The following CCDC178 variants were observed in gnomAD, a reference collection of about 807,000 sequenced individuals.
The protein encoded by CCDC178 is coiled-coil domain containing 178.
CCDC178 carries 126 observed loss-of-function variants against 117.4 expected under a neutral mutation model. The ratio of observed to expected loss-of-function variants is 1.07; its 90% confidence interval spans 0.93 to 1.24. The LOEUF (loss-of-function observed/expected upper bound fraction) is 1.24, where lower values mean the gene tolerates loss of function less well. CCDC178 is among the 50% of genes most tolerant of loss of function. The pLI, the probability that CCDC178 is intolerant of heterozygous loss-of-function variation, is 0.00. For synonymous variants in CCDC178, 283 were observed against 313.4 expected (o/e 0.90, Z 1.02); for missense variants, 1,030 against 986.9 (o/e 1.04, Z -0.59).
chr18:33,064,305 A>T (rs999515959), intron 21 of CCDC178, among the ~76,000 whole-genome samples: 3 of 152,212 alleles, frequency 2.0e-5, no homozygotes, highest in African/African-American at 7.2e-5. Flanking sequence ...AATAAATGAG[A>T]CAAAAATTGT....
chr18:33,130,338 T>C (rs1047194634), intron 20 of CCDC178, among the ~76,000 whole-genome samples: 1 of 152,086 alleles, frequency 6.6e-6, no homozygotes, highest in South Asian at 2.1e-4. Context: ...ATTTTTCTTA[T>C]AAGCAAACAT....
chr18:33,208,927 A>G (rs1431564756), intron 20 of CCDC178, among the ~76,000 whole-genome samples: 3 of 152,034 alleles, frequency 2.0e-5, no homozygotes, highest in Non-Finnish European at 4.4e-5. Context: ...AGTGTAGTTC[A>G]TTGTATTTCT....
intron 21 of CCDC178, among the ~76,000 whole-genome samples, chr18:32,981,181 A>C (rs1449918773): frequency 6.6e-6 from 1 of 152,216 alleles, no homozygotes; most frequent in African/African-American, 2.4e-5. Context: ...CTGTCTCTAA[A>C]AAAATAAAAT....
chr18:33,048,199 C>T (rs896367293), intron 21 of CCDC178, among the ~76,000 whole-genome samples: 1 of 152,132 alleles, frequency 6.6e-6, no homozygotes, highest in African/African-American at 2.4e-5. Context: ...AGGGAGCATG[C>T]CCCCACTACA....
intron 21 of CCDC178, among the ~76,000 whole-genome samples, chr18:32,979,876 T>G (rs1437228363): frequency 6.6e-6 from 1 of 152,166 alleles, no homozygotes; most frequent in East Asian, 1.9e-4. Context: ...AAGAGAGCAT[T>G]TGATCAGCAA....
chr18:33,280,516 T>C (rs2060010171), intron 12 of CCDC178, among the ~76,000 whole-genome samples: 1 of 151,676 alleles, frequency 6.6e-6, no homozygotes, highest in Non-Finnish European at 1.5e-5. Context: ...GACTGTAAAC[T>C]AGTTCAACCA....
chr18:33,256,534 G>A (rs1007311145), intron 14 of CCDC178, among the ~76,000 whole-genome samples: 7 of 151,928 alleles, frequency 4.6e-5, no homozygotes, highest in African/African-American at 1.4e-4. Context: ...AGTAAACTAC[G>A]GTTTAAATAA....
At chr18:33,272,857 T>C (rs1369882353) in intron 12 of CCDC178, among the ~76,000 whole-genome samples, 1 of 151,332 alleles carries the variant, frequency 6.6e-6, no homozygotes, top group African/African-American at 2.4e-5. Flanking sequence ...CCTTTTGTAA[T>C]AAAAAATTCA....
intron 20 of CCDC178, among the ~76,000 whole-genome samples, chr18:33,202,682 T>C (rs1254850889): frequency 6.6e-6 from 1 of 152,216 alleles, no homozygotes; most frequent in East Asian, 1.9e-4. Flanking sequence ...AACTAGTGCC[T>C]ACATTTCATT....
chr18:33,348,588 A>G (rs560338480), intron 8 of CCDC178, among the ~76,000 whole-genome samples: 2 of 152,048 alleles, frequency 1.3e-5, no homozygotes, highest in East Asian at 3.9e-4. Flanking sequence ...ATACACATGG[A>G]ATACTGATTA....
At chr18:33,068,514 C>T (rs1376244622) in intron 21 of CCDC178, among the ~76,000 whole-genome samples, 1 of 151,526 alleles carries the variant, frequency 6.6e-6, no homozygotes, top group Non-Finnish European at 1.5e-5. Flanking sequence ...GATGGTTCAA[C>T]ATTTAAAACT....
Position 33,157,429 on chromosome 18 carries a change from A to T in CCDC178, c.2238+54467T>A, listed in dbSNP as rs182817067. Among the ~76,000 whole-genome samples, 7 of 152,294 alleles carry T rather than the reference A, an allele frequency of 4.6e-5. No individual in the cohort carries two copies. In the East Asian group the frequency reaches 1.4e-3, roughly 29 times the overall value. ...CTTTCTGTAACCCTTCTTTTAAATG[A>T]ACTAATATGATTTTGTTCTCATGAA... On this transcript the variant is annotated intron_variant, in intron 20 of 22. Transcript: ENST00000383096.
intron 12 of CCDC178, among the ~76,000 whole-genome samples, chr18:33,278,904 A>G (rs1161974169): frequency 6.6e-6 from 1 of 152,200 alleles, no homozygotes. Context: ...AAAATTCAAC[A>G]ACGTTCATGC....
chr18:33,195,639 C>T (rs2058921654), intron 20 of CCDC178, among the ~76,000 whole-genome samples: 1 of 152,114 alleles, frequency 6.6e-6, no homozygotes, highest in South Asian at 2.1e-4. Context: ...TATACCTTCC[C>T]CTTCCACAGA....
chr18:33,148,318 G>C (rs1180231865), intron 20 of CCDC178, among the ~76,000 whole-genome samples: 3 of 152,162 alleles, frequency 2.0e-5, no homozygotes, highest in Non-Finnish European at 4.4e-5. Context: ...CAGGCACTCG[G>C]CAGCCTGAGG....
At chr18:33,427,394 A>AT (rs1188695202) in intron 2 of CCDC178, among the ~76,000 whole-genome samples, 1 of 152,100 alleles carries the variant, frequency 6.6e-6, no homozygotes, top group Non-Finnish European at 1.5e-5. Flanking sequence ...AATAGACTAG[A>AT]TTTTTTGCAA....
intron 21 of CCDC178, among the ~76,000 whole-genome samples, chr18:33,079,688 AC>A (rs1294437863): frequency 6.6e-6 from 1 of 152,208 alleles, no homozygotes; most frequent in African/African-American, 2.4e-5. Context: ...GCCCAATATC[AC>A]TGATCATCAG....
At chr18:33,326,490 T>C (rs2062586731) in intron 10 of CCDC178, among the ~76,000 whole-genome samples, 1 of 152,168 alleles carries the variant, frequency 6.6e-6, no homozygotes, top group Non-Finnish European at 1.5e-5. Flanking sequence ...TACTCCATCA[T>C]GCCTGGAACT....
At chr18:33,426,741 G>A (rs900059610) in intron 2 of CCDC178, among the ~76,000 whole-genome samples, 1 of 152,060 alleles carries the variant, frequency 6.6e-6, no homozygotes, top group Admixed American at 6.6e-5. Flanking sequence ...AATTGTGTAC[G>A]TGTGTTACTT....
Sources: allele counts gnomAD v4.1 joint callset (sites outside exome capture counted in the v4.1 genomes callset), GRCh38; gene constraint gnomAD v4.1.1; transcripts MANE v1.5; gene names NCBI Gene and HGNC (gene_info 2026-07-23, HGNC 2026-07-21).